The following GAPVD1 variants were observed in gnomAD, a reference collection of about 807,000 sequenced individuals.
The protein encoded by GAPVD1 is GTPase-activating protein and VPS9 domain-containing protein 1.
A neutral mutation model predicts 155.5 loss-of-function variants in GAPVD1; 35 were observed. That is an observed-to-expected ratio of 0.23 (90% CI 0.17 to 0.30). GAPVD1 has a LOEUF of 0.30. GAPVD1 is among the 10% of genes least tolerant of loss of function. The pLI is 1.00. For missense variants in GAPVD1, 1,429 were observed against 1,775.7 expected, an observed-to-expected ratio of 0.80 and a Z score of 3.51; for synonymous variants, 636 against 619.7, an observed-to-expected ratio of 1.03 and a Z score of -0.39.
intron 2 of GAPVD1, among the ~76,000 whole-genome samples, chr9:125,279,246 C>T (rs891858401): frequency 6.6e-6 from 1 of 151,198 alleles, no homozygotes; most frequent in African/African-American, 2.4e-5. Flanking sequence ...TACTCTTTTG[C>T]CCTATTACAT....
intron 9 of GAPVD1, among the ~76,000 whole-genome samples, chr9:125,315,038 C>T (rs559771922): frequency 3.9e-5 from 6 of 152,176 alleles, no homozygotes; most frequent in African/African-American, 7.2e-5. Flanking sequence ...CCGCCCACCT[C>T]GGCCTCCCAA....
chr9:125,352,589 T>C (rs1849463957), intron 23 of GAPVD1, among the ~76,000 whole-genome samples: 1 of 152,186 alleles, frequency 6.6e-6, no homozygotes, highest in Non-Finnish European at 1.5e-5. Context: ...GAAACCATTT[T>C]TCCTCCTAGG....
At chr9:125,298,107 G>A (rs1195690027) in intron 3 of GAPVD1, among the ~76,000 whole-genome samples, 1 of 152,170 alleles carries the variant, frequency 6.6e-6, no homozygotes, top group East Asian at 1.9e-4. Flanking sequence ...TACAAGAAAG[G>A]AAGCAGCGAG....
At chr9:125,328,833 A>ACC (rs34007926) in intron 12 of GAPVD1, among the ~76,000 whole-genome samples, 3 of 144,606 alleles carry the variant, frequency 2.1e-5, no homozygotes, top group Non-Finnish European at 3.1e-5. Flanking sequence ...CAGGGGGCTG[A>ACC]CCCCCCCCCC....
intron 19 of GAPVD1, among the ~76,000 whole-genome samples, chr9:125,343,276 A>T (rs1848079068): frequency 6.6e-6 from 1 of 151,100 alleles, no homozygotes; most frequent in Admixed American, 6.6e-5. Context: ...TTCTTCTTCC[A>T]GTGTGGCCCA....
At chr9:125,266,660 C>T (rs924688437) in intron 1 of GAPVD1, among the ~76,000 whole-genome samples, 1 of 152,008 alleles carries the variant, frequency 6.6e-6, no homozygotes, top group Non-Finnish European at 1.5e-5. Context: ...TTTTTTGAGA[C>T]TAGACACTAC....
chr9:125,302,935 A>G (rs570328296), intron 5 of GAPVD1, 109 bp downstream of exon 5: 2 of 1,339,204 alleles, frequency 1.5e-6, no homozygotes, highest in South Asian at 2.9e-5. Flanking sequence ...TATTCTTACA[A>G]CTTTTTCTCA....
At chr9:125,337,179 A>G (rs1847157666) in intron 16 of GAPVD1, 42 bp from the exon 17 acceptor site, 3 of 1,611,218 alleles carry the variant, frequency 1.9e-6, no homozygotes, top group Non-Finnish European at 2.5e-6. Context: ...TTTGTTAGAT[A>G]TGTTGTGTCT....
At chr9:125,269,710 CTTTTTTTTTTTT>C (rs951306489) in intron 2 of GAPVD1, among the ~76,000 whole-genome samples, 4 of 52,704 alleles carry the variant, frequency 7.6e-5, no homozygotes, top group Admixed American at 4.9e-4. Flanking sequence ...CCATGCCTGG[CTTTTTTTTTTTT>C]TTTTTTTTTT....
chr9:125,332,115 C>T (rs1368327043), intron 14 of GAPVD1, 55 bp downstream of exon 14: 1 of 1,504,672 alleles, frequency 6.6e-7, no homozygotes, highest in Non-Finnish European at 9.2e-7. Context: ...CCCCCTACCC[C>T]CTCCTATTTA....
intron 4 of GAPVD1, among the ~76,000 whole-genome samples, 180 bp from the exon 5 acceptor site, chr9:125,301,803 T>C (rs1220262995): frequency 6.6e-6 from 1 of 152,132 alleles, no homozygotes; most frequent in Non-Finnish European, 1.5e-5. Flanking sequence ...CTTTGTACTT[T>C]TTAGTTTTGT....
chr9:125,307,349 A>G, intron 6 of GAPVD1, 64 bp from the exon 7 acceptor site: 1 of 1,168,908 alleles, frequency 8.6e-7, no homozygotes, highest in South Asian at 1.8e-5. Context: ...GTCCACCTTA[A>G]TGAGAAATTT....
At chr9:125,277,140 G>A (rs1835919165) in intron 2 of GAPVD1, among the ~76,000 whole-genome samples, 1 of 152,242 alleles carries the variant, frequency 6.6e-6, no homozygotes, top group South Asian at 2.1e-4. Flanking sequence ...CCTAATTGGA[G>A]CATTGCTCTT....
intron 2 of GAPVD1, among the ~76,000 whole-genome samples, chr9:125,293,844 AATATATTTT>A (rs1201962287): frequency 5.8e-5 from 4 of 69,144 alleles, no homozygotes; most frequent in South Asian, 4.5e-4. Context: ...TATATATAAA[AATATATTTT>A]ATATATATAT....
Position 125,359,479 on chromosome 9 carries a change from T to C in GAPVD1, c.4031T>C (p.Leu1344Pro). The change falls in exon 26 of 28, where the codon CTT becomes CCT. Residue 1344 changes from leucine (L) to proline (P), a missense_variant. By Grantham distance (98) the Leu-to-Pro change is moderately conservative (BLOSUM62 -3). Coordinates refer to ENST00000297933, the MANE Select transcript of GAPVD1 (RefSeq NM_001282680.3). ...SKVVTANHRA[L>P]QIPEVYLREA... ...GTAGTGACTGCAAATCACAGAGCTC[T>C]TCAGATACCAGAGGTAATACAGGTT... The C allele has an allele frequency of 6.5e-7, 1 of 1,543,694 alleles. No individual in the cohort carries two copies.
chr9:125,341,850 G>A (rs905003906), intron 18 of GAPVD1: 2 of 163,558 alleles, frequency 1.2e-5, no homozygotes, highest in Middle Eastern at 2.8e-3. Context: ...TTCTCAGCAC[G>A]GTGGCACTCA....
In GAPVD1 at chr9:125,330,161, A is replaced by G. The variant is rs368888422; in HGVS notation, c.2116A>G (p.Thr706Ala). The G allele has an allele frequency of 2.9e-5, 47 of 1,612,094 alleles. No individual in the cohort carries two copies. The highest frequency in any genetic ancestry group is 3.8e-5 in the Non-Finnish European group (45 of 1,178,426). Reference sequence around the variant, plus strand: ...GCTTCTTGACCCCTGCACTGGTTCTACCATATCAGAGACAACAAGTGAAGC... The same window carrying G: ...GCTTCTTGACCCCTGCACTGGTTCTGCCATATCAGAGACAACAAGTGAAGC... ...SVLLDPCTGSTISETTSEAWS... is the reference protein window; with the variant it reads ...SVLLDPCTGSAISETTSEAWS... Residue 706 changes from threonine to alanine, a missense_variant, in exon 13 of 28, where the codon ACC becomes GCC. Physicochemically the swap from Thr to Ala is moderately conservative, Grantham distance 58. Coordinates refer to ENST00000297933, the MANE Select transcript of GAPVD1 (RefSeq NM_001282680.3).
At chr9:125,330,964 T>A (rs1460791459) in intron 13 of GAPVD1, among the ~76,000 whole-genome samples, 2 of 148,040 alleles carry the variant, frequency 1.4e-5, no homozygotes, top group Non-Finnish European at 3.0e-5. Flanking sequence ...TACGTTGAAA[T>A]TGAGATTCTG....
At chr9:125,279,297 G>A (rs1161247512) in intron 2 of GAPVD1, among the ~76,000 whole-genome samples, 1 of 151,448 alleles carries the variant, frequency 6.6e-6, no homozygotes, top group Admixed American at 6.6e-5. Context: ...AAGGCCGGCC[G>A]CAATGGCTCA....
Sources: gnomAD v4.1 joint callset for allele counts (sites outside exome capture counted in the v4.1 genomes callset) on GRCh38, gnomAD v4.1.1 for gene constraint, MANE v1.5 for transcripts, NCBI Gene and HGNC (gene_info 2026-07-23, HGNC 2026-07-21) for gene names.